The following ZNF322 variants were observed in gnomAD, a reference collection of about 807,000 sequenced individuals.
ZNF322 encodes zinc finger protein 322, also known as HLA complex group 12.
Under a neutral mutation model 18.3 loss-of-function variants are expected in ZNF322, and 1 was observed. The observed-to-expected ratio is 0.05, with a 90% CI of 0.02 to 0.26. The LOEUF (loss-of-function observed/expected upper bound fraction) is 0.26. Among genes scored for constraint, ZNF322 ranks in the 10% least tolerant of loss-of-function variants. The pLI, the probability that ZNF322 is intolerant of heterozygous loss-of-function variation, is 1.00. For missense variants in ZNF322, 36 were observed against 403.6 expected, an observed-to-expected ratio of 0.09 and a Z score of 7.80; for synonymous variants, 17 against 130.7, an observed-to-expected ratio of 0.13 and a Z score of 5.93.
intron 3 of ZNF322, among the ~76,000 whole-genome samples, chr6:26,639,213 C>A (rs1278314301): frequency 1.3e-5 from 2 of 152,158 alleles, no homozygotes. Context: ...CCACTGTATG[C>A]CTCGTTTCCT....
At chr6:26,647,056 A>C (rs1765570891) in intron 2 of ZNF322, among the ~76,000 whole-genome samples, 1 of 152,142 alleles carries the variant, frequency 6.6e-6, no homozygotes, top group African/African-American at 2.4e-5. Context: ...AAATTCTTAG[A>C]TCAAAAGCTA....
chr6:26,651,434 G>C (rs1438632134), intron 2 of ZNF322: 1 of 152,140 alleles, frequency 6.6e-6, no homozygotes, highest in African/African-American at 2.4e-5. Flanking sequence ...CAGAGGCTGA[G>C]ACATAGCAGG....
At chr6:26,653,437 G>A (rs1765709823) in intron 2 of ZNF322, among the ~76,000 whole-genome samples, 1 of 152,154 alleles carries the variant, frequency 6.6e-6, no homozygotes, top group Non-Finnish European at 1.5e-5. Context: ...TCATAGTAAT[G>A]TTTGTAACGG....
In ZNF322 at chr6:26,659,544, T is replaced by C. The variant is rs546915597; in HGVS notation, c.-438A>G. 1.1e-3 allele frequency: 181 copies of C among 166,780 alleles called. 1 individual carries two copies. Among genetic ancestry groups the C allele is most frequent in the African/African-American group, 4.1e-3 (172 of 41,566 alleles). The allele number at this position is 166,780 out of a possible 1,614,324, so 10.3% of individuals were successfully genotyped here. ...CTGGCGGCCGCAGACTCTGCGATAG[T>C]AGATCTAAGGGCCAGGCTTCGGGAA... On this transcript the variant is annotated 5_prime_UTR_variant, in exon 1 of 4. Coordinates refer to ENST00000415922, the MANE Select transcript of ZNF322 (RefSeq NM_024639.5).
intron 2 of ZNF322, among the ~76,000 whole-genome samples, chr6:26,649,112 G>A (rs546481094): frequency 1.2e-4 from 19 of 152,182 alleles, no homozygotes; most frequent in Non-Finnish European, 2.1e-4. Flanking sequence ...AATCTCCAAT[G>A]CCTAAGCTGT....
intron 3 of ZNF322, among the ~76,000 whole-genome samples, chr6:26,639,842 C>T (rs1173465732): frequency 6.6e-6 from 1 of 152,134 alleles, no homozygotes; most frequent in Non-Finnish European, 1.5e-5. Flanking sequence ...AACACATACA[C>T]AAAAACCAAA....
At chr6:26,656,860 A>C (rs782313712) in intron 2 of ZNF322, among the ~76,000 whole-genome samples, 1 of 152,172 alleles carries the variant, frequency 6.6e-6, no homozygotes, top group Non-Finnish European at 1.5e-5. Context: ...GAAGAAAAAA[A>C]AAACTGAATA....
At chr6:26,640,734 T>G (rs1381539564) in intron 3 of ZNF322, among the ~76,000 whole-genome samples, 2 of 152,058 alleles carry the variant, frequency 1.3e-5, no homozygotes, top group Non-Finnish European at 2.9e-5. Context: ...TGGCACAGAG[T>G]AGGCACTCAA....
chr6:26,649,677 A>G (rs1207301849), intron 2 of ZNF322, among the ~76,000 whole-genome samples: 10,988 of 39,806 alleles, frequency 0.28, 1,054 homozygotes, highest in African/African-American at 0.37. Context: ...GTGTGTGTGT[A>G]TATATATATA....
At chr6:26,645,376 A>AAG (rs1554148632) in intron 2 of ZNF322, among the ~76,000 whole-genome samples, 2 of 151,972 alleles carry the variant, frequency 1.3e-5, no homozygotes, top group African/African-American at 4.9e-5. Context: ...AGGTAAAGAG[A>AAG]AGAGAGCTAG....
chr6:26,642,918 A>G (rs1765490676), intron 3 of ZNF322, among the ~76,000 whole-genome samples: 1 of 152,216 alleles, frequency 6.6e-6, no homozygotes, highest in Non-Finnish European at 1.5e-5. Flanking sequence ...AGCCATCAGC[A>G]AATTTGTTGG....
At chr6:26,656,854 A>G (rs114749780) in intron 2 of ZNF322, among the ~76,000 whole-genome samples, 4,854 of 150,256 alleles carry the variant, frequency 0.032, 124 homozygotes, top group Middle Eastern at 0.076. Context: ...TAAGAAGAAG[A>G]AAAAAAAAAC....
intron 2 of ZNF322, among the ~76,000 whole-genome samples, chr6:26,651,894 C>T (rs1765676891): frequency 6.6e-6 from 1 of 152,092 alleles, no homozygotes; most frequent in Non-Finnish European, 1.5e-5. Flanking sequence ...TGCAGTGGTG[C>T]GATCTCAACT....
intron 2 of ZNF322, among the ~76,000 whole-genome samples, chr6:26,645,637 T>A (rs1484542252): frequency 6.6e-6 from 1 of 152,094 alleles, no homozygotes; most frequent in Non-Finnish European, 1.5e-5. Flanking sequence ...GAAGCTGAAA[T>A]GGCCTTTTAG....
intron 1 of ZNF322, 171 bp from the exon 2 acceptor site, chr6:26,658,817 T>C (rs554571106): frequency 6.6e-6 from 1 of 152,422 alleles, no homozygotes; most frequent in African/African-American, 2.4e-5. Context: ...CTGCAGGAAG[T>C]ACCTGCCACT....
At chr6:26,642,524 T>C (rs1472391765) in intron 3 of ZNF322, among the ~76,000 whole-genome samples, 1 of 152,224 alleles carries the variant, frequency 6.6e-6, no homozygotes, top group Non-Finnish European at 1.5e-5. Flanking sequence ...CATATCTCCA[T>C]GATCTATGAA....
intron 3 of ZNF322, among the ~76,000 whole-genome samples, chr6:26,639,750 C>T (rs1026259974): frequency 6.6e-6 from 1 of 152,150 alleles, no homozygotes; most frequent in Admixed American, 6.6e-5. Flanking sequence ...ATTCAGACCC[C>T]TCGTCTGTCA....
intron 2 of ZNF322, among the ~76,000 whole-genome samples, chr6:26,650,718 G>A (rs901093283): frequency 3.3e-5 from 5 of 152,030 alleles, no homozygotes; most frequent in African/African-American, 4.8e-5. Context: ...AACATCTTAA[G>A]TATAAATCTA....
At chr6:26,659,746 CA>C (rs1765853511), upstream of ZNF322, 1 of 153,140 alleles carries the variant, frequency 6.5e-6, no homozygotes, top group Non-Finnish European at 1.5e-5. Flanking sequence ...GGCGCAGCCC[CA>C]CCCCCGCAAG....
Sources: gnomAD v4.1 joint callset for allele counts (sites outside exome capture counted in the v4.1 genomes callset) on GRCh38, gnomAD v4.1.1 for gene constraint, MANE v1.5 for transcripts, NCBI Gene and HGNC (gene_info 2026-07-23, HGNC 2026-07-21) for gene names.